SLX4IP: variants seen among roughly 807,000 people sequenced by gnomAD.
SLX4IP encodes protein SLX4IP.
Under a neutral mutation model 32.9 loss-of-function variants are expected in SLX4IP, and 34 were observed. That is an observed-to-expected ratio of 1.03 (90% CI 0.79 to 1.38). SLX4IP has a LOEUF of 1.38. SLX4IP is among the 40% of genes most tolerant of loss of function. SLX4IP has a pLI of 0.00. For synonymous variants in SLX4IP, 172 were observed against 171.7 expected, an observed-to-expected ratio of 1.00 and a Z score of -0.01; for missense variants, 444 against 479.0, an observed-to-expected ratio of 0.93 and a Z score of 0.68.
At chr20:10,576,224 T>C (rs1290959429) in intron 4 of SLX4IP, among the ~76,000 whole-genome samples, 1 of 152,192 alleles carries the variant, frequency 6.6e-6, no homozygotes, top group Non-Finnish European at 1.5e-5. Context: ...TAATACCTTC[T>C]ATAAACTGGG....
intron 2 of SLX4IP, among the ~76,000 whole-genome samples, chr20:10,458,476 A>T (rs1226167057): frequency 6.6e-6 from 1 of 152,092 alleles, no homozygotes; most frequent in African/African-American, 2.4e-5. Flanking sequence ...TTAGGTATTA[A>T]GCCCAGTGTC....
chr20:10,551,007 G>A (rs1370277659), intron 2 of SLX4IP, among the ~76,000 whole-genome samples: 1 of 152,232 alleles, frequency 6.6e-6, no homozygotes, highest in Non-Finnish European at 1.5e-5. Context: ...ATGAGTGCAT[G>A]AGAGAATGTG....
chr20:10,443,497 T>C (rs753708950), intron 1 of SLX4IP, among the ~76,000 whole-genome samples: 13 of 151,984 alleles, frequency 8.6e-5, no homozygotes, highest in Non-Finnish European at 1.5e-4. Flanking sequence ...GGCATCTGAG[T>C]TGGGTCTCAG....
intron 2 of SLX4IP, among the ~76,000 whole-genome samples, chr20:10,536,743 CT>C: frequency 6.6e-6 from 1 of 152,348 alleles, no homozygotes; most frequent in East Asian, 1.9e-4. Context: ...GCTATGCCAG[CT>C]GGCATAAATC....
chr20:10,580,285 T>C (rs2066569352), intron 4 of SLX4IP, among the ~76,000 whole-genome samples: 1 of 152,114 alleles, frequency 6.6e-6, no homozygotes, highest in Non-Finnish European at 1.5e-5. Flanking sequence ...CTATGCATTC[T>C]GAACTCTAGG....
chr20:10,519,761 A>G (rs1206739055), intron 2 of SLX4IP, among the ~76,000 whole-genome samples: 4 of 152,220 alleles, frequency 2.6e-5, no homozygotes, highest in African/African-American at 7.2e-5. Flanking sequence ...GCTAAGTCGT[A>G]TGGTGACTCT....
intron 6 of SLX4IP, among the ~76,000 whole-genome samples, chr20:10,606,682 A>G (rs2066910102): frequency 6.6e-6 from 1 of 152,220 alleles, no homozygotes; most frequent in Non-Finnish European, 1.5e-5. Flanking sequence ...ATCCAAATAT[A>G]TATAAAGAAA....
chr20:10,557,812 C>T (rs2066283363), intron 3 of SLX4IP, among the ~76,000 whole-genome samples: 1 of 152,164 alleles, frequency 6.6e-6, no homozygotes, highest in African/African-American at 2.4e-5. Context: ...ACCTCATAGC[C>T]AAAGCGTGAG....
rs547450156 is a variant in SLX4IP, at chr20:10,515,709, T to C, written c.28-40522T>C. Among the ~76,000 whole-genome samples the C allele has an allele frequency of 3.9e-5, 6 of 152,378 alleles. No homozygotes were observed. The South Asian group carries it at 1.0e-3, about 26-fold the overall frequency. On this transcript the variant is annotated intron_variant, in intron 2 of 7. Transcript: ENST00000334534. ...AGCTCATTTAGTTCACTAGCCTGAA[T>C]ATTCTATCTGAATGGTAACTTTTTT...
chr20:10,598,423 C>G (rs1308672518), intron 4 of SLX4IP, among the ~76,000 whole-genome samples: 1 of 152,166 alleles, frequency 6.6e-6, no homozygotes, highest in Non-Finnish European at 1.5e-5. Context: ...GCCACCTCAC[C>G]CGGCTAGTTT....
At chr20:10,553,557 C>T (rs2066238510) in intron 2 of SLX4IP, among the ~76,000 whole-genome samples, 1 of 152,166 alleles carries the variant, frequency 6.6e-6, no homozygotes, top group Non-Finnish European at 1.5e-5. Flanking sequence ...CACCTGGTGG[C>T]AGCATACTCC....
At chr20:10,457,075 A>G (rs2065291098) in intron 1 of SLX4IP, among the ~76,000 whole-genome samples, 1 of 152,168 alleles carries the variant, frequency 6.6e-6, no homozygotes, top group Non-Finnish European at 1.5e-5. Flanking sequence ...CATATATCCT[A>G]CAACCTTGCT....
chr20:10,534,401 A>G (rs537313966), intron 2 of SLX4IP, among the ~76,000 whole-genome samples: 1 of 152,308 alleles, frequency 6.6e-6, no homozygotes, highest in East Asian at 1.9e-4. Flanking sequence ...TGGCAGTCAG[A>G]TCAATCACAC....
At chr20:10,461,233 G>A (rs541059279) in intron 2 of SLX4IP, among the ~76,000 whole-genome samples, 52 of 152,324 alleles carry the variant, frequency 3.4e-4, no homozygotes, top group African/African-American at 1.2e-3. Context: ...AGACCATCCT[G>A]GTCAACCATG....
At chr20:10,461,439 G>C (rs1381651603) in intron 2 of SLX4IP, among the ~76,000 whole-genome samples, 3 of 152,194 alleles carry the variant, frequency 2.0e-5, no homozygotes, top group African/African-American at 7.2e-5. Flanking sequence ...ATAGGGACAG[G>C]GTTCTGACAC....
At chr20:10,555,491 A>G (rs2122495874) in intron 2 of SLX4IP, among the ~76,000 whole-genome samples, 1 of 152,356 alleles carries the variant, frequency 6.6e-6, no homozygotes, top group Admixed American at 6.5e-5. Context: ...GTAGCTTATC[A>G]GTTACAATAG....
chr20:10,519,410 C>T (rs933085970), intron 2 of SLX4IP, among the ~76,000 whole-genome samples: 1 of 152,156 alleles, frequency 6.6e-6, no homozygotes, highest in Admixed American at 6.5e-5. Flanking sequence ...TGTTTATTTA[C>T]TTTTTGTCTT....
chr20:10,610,220 G>A (rs1289732938), intron 6 of SLX4IP, among the ~76,000 whole-genome samples: 5 of 152,078 alleles, frequency 3.3e-5, no homozygotes, highest in African/African-American at 4.8e-5. Context: ...TATTTTCACC[G>A]ATTTCATGTT....
intron 1 of SLX4IP, among the ~76,000 whole-genome samples, chr20:10,444,967 G>A (rs1322552949): frequency 1.3e-5 from 2 of 152,106 alleles, no homozygotes; most frequent in African/African-American, 4.8e-5. Context: ...ACTGTCATCT[G>A]TTCCATCCCA....
Sources: gnomAD v4.1 joint callset for allele counts (sites outside exome capture counted in the v4.1 genomes callset) on GRCh38, gnomAD v4.1.1 for gene constraint, MANE v1.5 for transcripts, NCBI Gene and HGNC (gene_info 2026-07-23, HGNC 2026-07-21) for gene names.